GLIS3: variants seen among roughly 807,000 people sequenced by gnomAD.
The protein encoded by GLIS3 is zinc finger protein GLIS3.
A neutral mutation model predicts 78.6 loss-of-function variants in GLIS3; 53 were observed. The ratio of observed to expected loss-of-function variants is 0.67; its 90% CI spans 0.54 to 0.85. The LOEUF is 0.85. Ranked by LOEUF, GLIS3 falls within the 40% of genes least tolerant of loss-of-function variation. The pLI is 0.00. For missense variants in GLIS3, 1,703 were observed against 1,231.1 expected, an observed-to-expected ratio of 1.38 and a Z score of -5.74; for synonymous variants, 684 against 509.9, an observed-to-expected ratio of 1.34 and a Z score of -4.60.
chr9:4,140,897 C>A (rs537420509), intron 2 of GLIS3, among the ~76,000 whole-genome samples: 1 of 151,714 alleles, frequency 6.6e-6, no homozygotes, highest in Non-Finnish European at 1.5e-5. Context: ...CTCCTGGGTT[C>A]AAGCGATTCT....
intron 4 of GLIS3, among the ~76,000 whole-genome samples, chr9:4,021,829 T>C (rs1218412618): frequency 1.3e-5 from 2 of 152,162 alleles, no homozygotes; most frequent in Admixed American, 1.3e-4. Context: ...CCAGGGGAAT[T>C]CACAAAGCAA....
rs546186145 is a variant in GLIS3, at chr9:4,229,786, T to C, written c.388+56252A>G. 1.2e-3 allele frequency among the ~76,000 whole-genome samples: 178 copies of C among 152,372 alleles called. 1 individual carries two copies. Among genetic ancestry groups the C allele is most frequent in the Admixed American group, 4.1e-3 (63 of 15,300 alleles). On this transcript the variant is annotated intron_variant, in intron 2 of 10. Transcript: ENST00000381971. Reference sequence around the variant, plus strand: ...CATATAAAAGCTAAGTGGAAATTTATACTTGAATACACATCACATCAAATG... The same window carrying C: ...CATATAAAAGCTAAGTGGAAATTTACACTTGAATACACATCACATCAAATG...
chr9:4,072,995 T>G (rs1405878387), intron 4 of GLIS3, among the ~76,000 whole-genome samples: 1 of 148,668 alleles, frequency 6.7e-6, no homozygotes, highest in Non-Finnish European at 1.5e-5. Flanking sequence ...TAATTCTTTT[T>G]CACTTGGGTT....
chr9:4,429,876 T>C, the GLIS3 span, among the ~76,000 whole-genome samples: 1 of 152,148 alleles, frequency 6.6e-6, no homozygotes, highest in Non-Finnish European at 1.5e-5. Flanking sequence ...TGCATTACCT[T>C]GGATAACCTT....
At chr9:4,379,329 A>AT in the GLIS3 span, among the ~76,000 whole-genome samples, 1 of 152,334 alleles carries the variant, frequency 6.6e-6, no homozygotes, top group Non-Finnish European at 1.5e-5. Flanking sequence ...GGGTTTGGCA[A>AT]AACACCATGC....
At position 3,879,579 on chromosome 9, in the gene GLIS3, G is replaced by C. The variant is rs780451348; in HGVS notation, c.2145C>G (p.Ser715Arg). The C allele has an allele frequency of 6.2e-7, 1 of 1,614,022 alleles. No homozygotes were observed. Among genetic ancestry groups the C allele is most frequent in the Non-Finnish European group, 8.5e-7 (1 of 1,179,988 alleles). ...PDLYSAPIFS[S>R]NYSSRSGTAA... ...CTGTTCCACTTCGGCTTGAATAATT[G>C]CTGGAGAAAATGGGAGCTGAAATCA... Residue 715 changes from serine (S) to arginine (R), a missense_variant, in exon 8 of 11, where the codon AGC becomes AGG. Coordinates refer to ENST00000381971, the MANE Select transcript of GLIS3 (RefSeq NM_001042413.2).
At chr9:3,966,138 C>A (rs2130902246) in intron 4 of GLIS3, among the ~76,000 whole-genome samples, 1 of 152,260 alleles carries the variant, frequency 6.6e-6, no homozygotes, top group Middle Eastern at 3.4e-3. Context: ...ATATCTTCAC[C>A]TTATTGGAAA....
At chr9:4,053,499 T>C (rs1825888067) in intron 4 of GLIS3, among the ~76,000 whole-genome samples, 2 of 152,056 alleles carry the variant, frequency 1.3e-5, no homozygotes, top group Non-Finnish European at 2.9e-5. Context: ...CTACTTCTCT[T>C]CCTTTCTAGA....
At chr9:3,871,004 T>C (rs1424001993) in intron 8 of GLIS3, among the ~76,000 whole-genome samples, 2 of 152,216 alleles carry the variant, frequency 1.3e-5, no homozygotes, top group South Asian at 4.1e-4. Context: ...ACAATGGGGA[T>C]ACAGACACTG....
intron 2 of GLIS3, among the ~76,000 whole-genome samples, chr9:4,156,859 T>G (rs1219883247): frequency 6.6e-6 from 1 of 152,108 alleles, no homozygotes; most frequent in Non-Finnish European, 1.5e-5. Context: ...TAGCTTGCAG[T>G]GGTTCTCAAA....
Position 3,894,130 on chromosome 9 carries a change from A to T in GLIS3, c.2128+4561T>A, listed in dbSNP as rs1822654616. On this transcript the variant is annotated intron_variant, in intron 7 of 10. Coordinates refer to ENST00000381971, the MANE Select transcript of GLIS3 (RefSeq NM_001042413.2). ...CCCAAGTTTCCACCTCCTTCTGACC[A>T]ATTCCAAAATTGTTCTGCTGCTTTT... Among the ~76,000 whole-genome samples, 2 of 152,238 alleles carry T rather than the reference A, an allele frequency of 1.3e-5. 1 individual carries two copies. Among genetic ancestry groups the T allele is most frequent in the South Asian group, 4.1e-4 (2 of 4,836 alleles).
At chr9:4,390,554 G>C in the GLIS3 span, among the ~76,000 whole-genome samples, 3 of 152,108 alleles carry the variant, frequency 2.0e-5, no homozygotes, top group Admixed American at 6.5e-5. Context: ...TTCATAAACT[G>C]CAAGTAGGGT....
At chr9:4,435,065 G>A in the GLIS3 span, among the ~76,000 whole-genome samples, 12 of 152,164 alleles carry the variant, frequency 7.9e-5, no homozygotes, top group African/African-American at 2.9e-4. Context: ...AAGCTTCAAC[G>A]TTTGTCTCTC....
At chr9:4,295,582 T>C (rs1816409506) in intron 1 of GLIS3, among the ~76,000 whole-genome samples, 3 of 152,222 alleles carry the variant, frequency 2.0e-5, no homozygotes, top group South Asian at 4.1e-4. Context: ...ACAAAACTAA[T>C]ATATCTGTTA....
chr9:4,111,646 A>T (rs2130846762), intron 4 of GLIS3, among the ~76,000 whole-genome samples: 1 of 152,358 alleles, frequency 6.6e-6, no homozygotes, highest in South Asian at 2.1e-4. Context: ...ATTTATGGTG[A>T]CATATATGTG....
intron 4 of GLIS3, among the ~76,000 whole-genome samples, chr9:4,032,713 C>T (rs1398434719): frequency 6.6e-6 from 1 of 152,118 alleles, no homozygotes; most frequent in Non-Finnish European, 1.5e-5. Flanking sequence ...ATATGGAAGC[C>T]CATATACCCT....
chr9:3,960,794 T>A (rs1817494479), intron 4 of GLIS3, among the ~76,000 whole-genome samples: 1 of 152,112 alleles, frequency 6.6e-6, no homozygotes, highest in Non-Finnish European at 1.5e-5. Flanking sequence ...TTACAAAAAT[T>A]TTGCTCTTTG....
chr9:4,268,456 G>T (rs952872563), intron 2 of GLIS3, among the ~76,000 whole-genome samples: 4 of 151,940 alleles, frequency 2.6e-5, no homozygotes, highest in African/African-American at 9.7e-5. Context: ...TATTACTCTG[G>T]GAATGTTCTG....
chr9:4,347,968 C>T (rs1817916272), intron 1 of GLIS3, among the ~76,000 whole-genome samples: 1 of 151,996 alleles, frequency 6.6e-6, no homozygotes, highest in African/African-American at 2.4e-5. Context: ...CCAGGAGTAC[C>T]CTCATTAAAA....
Sources: allele counts gnomAD v4.1 joint callset (sites outside exome capture counted in the v4.1 genomes callset), GRCh38; gene constraint gnomAD v4.1.1; transcripts MANE v1.5; gene names NCBI Gene and HGNC (gene_info 2026-07-23, HGNC 2026-07-21).